The following ST6GALNAC3 variants were observed in gnomAD, a reference collection of about 807,000 sequenced individuals.
The protein encoded by ST6GALNAC3 is alpha-N-acetylgalactosaminide alpha-2,6-sialyltransferase 3.
In ST6GALNAC3, 25 loss-of-function variants were observed where a neutral mutation model predicts 32.7. The ratio of observed to expected loss-of-function variants is 0.76; its 90% CI spans 0.56 to 1.07. The LOEUF (loss-of-function observed/expected upper bound fraction) is 1.07. ST6GALNAC3 is among the 50% of genes least tolerant of loss of function. The probability of loss-of-function intolerance (pLI) is 0.00; values close to 1 mark genes in which losing one functional copy is unlikely to be tolerated. For synonymous variants in ST6GALNAC3, 129 were observed against 133.1 expected (o/e 0.97, Z 0.21); for missense variants, 355 against 382.4 (o/e 0.93, Z 0.60).
intron 2 of ST6GALNAC3, among the ~76,000 whole-genome samples, chr1:76,351,506 T>C (rs1287125601): frequency 2.0e-5 from 3 of 152,160 alleles, no homozygotes; most frequent in Non-Finnish European, 2.9e-5. Flanking sequence ...ATAACTTTTT[T>C]TTATAACTTC....
At chr1:76,256,279 G>A (rs913641528) in intron 1 of ST6GALNAC3, among the ~76,000 whole-genome samples, 5 of 152,038 alleles carry the variant, frequency 3.3e-5, no homozygotes, top group South Asian at 2.1e-4. Flanking sequence ...TGGAATAGTC[G>A]TTTCTAAATA....
Position 76,435,182 on chromosome 1 carries a change from C to T in ST6GALNAC3, c.623+22765C>T, listed in dbSNP as rs540920813. ...TCTTTATCTATAAAATTGACTTAAACGTCTATGTATTCAATATTCAAAAAG... is the reference window on the plus strand; with the variant it reads ...TCTTTATCTATAAAATTGACTTAAATGTCTATGTATTCAATATTCAAAAAG... On this transcript the variant is annotated intron_variant, in intron 3 of 4. Transcript: ENST00000328299. Among the ~76,000 whole-genome samples the T allele has an allele frequency of 5.9e-5, 9 of 152,024 alleles. 1 individual carries two copies. Among genetic ancestry groups the T allele is most frequent in the East Asian group, 5.9e-4 (3 of 5,120 alleles).
intron 2 of ST6GALNAC3, among the ~76,000 whole-genome samples, chr1:76,394,706 G>A (rs1399472292): frequency 6.6e-6 from 1 of 152,008 alleles, no homozygotes; most frequent in Non-Finnish European, 1.5e-5. Flanking sequence ...ATACTAAATG[G>A]TTATTTATTT....
At chr1:76,383,889 A>G (rs1651904854) in intron 2 of ST6GALNAC3, among the ~76,000 whole-genome samples, 1 of 152,194 alleles carries the variant, frequency 6.6e-6, no homozygotes, top group African/African-American at 2.4e-5. Context: ...GATTACTAAA[A>G]AGAATAACAA....
chr1:76,418,207 G>T (rs576972083), intron 3 of ST6GALNAC3, among the ~76,000 whole-genome samples: 1 of 152,122 alleles, frequency 6.6e-6, no homozygotes, highest in Non-Finnish European at 1.5e-5. Context: ...GTGTCATTGC[G>T]TGGTCAAGTG....
intron 1 of ST6GALNAC3, among the ~76,000 whole-genome samples, chr1:76,245,008 G>A (rs1034406336): frequency 6.6e-6 from 1 of 152,154 alleles, no homozygotes; most frequent in African/African-American, 2.4e-5. Flanking sequence ...AGAAGCAATG[G>A]TATCAGCTCC....
At chr1:76,269,693 T>C (rs1290620938) in intron 1 of ST6GALNAC3, among the ~76,000 whole-genome samples, 2 of 152,192 alleles carry the variant, frequency 1.3e-5, no homozygotes, top group East Asian at 3.9e-4. Context: ...TAAGGCCACA[T>C]GCCATGTGCT....
chr1:76,448,590 G>A (rs1488421410), intron 3 of ST6GALNAC3, among the ~76,000 whole-genome samples: 1 of 152,146 alleles, frequency 6.6e-6, no homozygotes, highest in Non-Finnish European at 1.5e-5. Flanking sequence ...GGAGGTAATT[G>A]AATCATGGGT....
At chr1:76,551,272 G>A (rs1664611985) in intron 3 of ST6GALNAC3, among the ~76,000 whole-genome samples, 1 of 152,158 alleles carries the variant, frequency 6.6e-6, no homozygotes, top group Admixed American at 6.5e-5. Flanking sequence ...TCATGACAAA[G>A]TTGATTGAAA....
intron 1 of ST6GALNAC3, among the ~76,000 whole-genome samples, chr1:76,080,632 CAA>C (rs58110770): frequency 1.2e-4 from 14 of 115,294 alleles, no homozygotes; most frequent in Admixed American, 1.7e-4. Flanking sequence ...ACAGATAAAC[CAA>C]AAAAAAAAAA....
rs775456919 is a variant in ST6GALNAC3, at chr1:76,074,816, C to G, written c.-51C>G. ...CCTCCAGCCTGCCCCCAGGACTGCC[C>G]CTGACCCAGGCGCGCCCGCTGCTCG... On this transcript the variant is annotated 5_prime_UTR_variant, in exon 1 of 5. Coordinates refer to ENST00000328299, the MANE Select transcript of ST6GALNAC3 (RefSeq NM_152996.4). 4 of 1,559,964 alleles carry G rather than the reference C, an allele frequency of 2.6e-6. No homozygotes were observed. Among genetic ancestry groups the G allele is most frequent in the South Asian group, 1.2e-5 (1 of 84,660 alleles).
At chr1:76,283,177 A>T (rs1414481) in intron 1 of ST6GALNAC3, among the ~76,000 whole-genome samples, 90,509 of 151,988 alleles carry the variant, frequency 0.6, 27,292 homozygotes, top group African/African-American at 0.67. Flanking sequence ...CTGAGCTAGG[A>T]ACTAGCTTTG....
chr1:76,158,386 T>G (rs1427073370), intron 1 of ST6GALNAC3, among the ~76,000 whole-genome samples: 1 of 152,210 alleles, frequency 6.6e-6, no homozygotes, highest in Non-Finnish European at 1.5e-5. Flanking sequence ...CCTAGCGATT[T>G]GAAACCCAGA....
At chr1:76,303,308 A>G (rs1254003944) in intron 1 of ST6GALNAC3, among the ~76,000 whole-genome samples, 1 of 151,938 alleles carries the variant, frequency 6.6e-6, no homozygotes, top group African/African-American at 2.4e-5. Context: ...TTCCATTTTC[A>G]ATCTGCCACC....
intron 3 of ST6GALNAC3, among the ~76,000 whole-genome samples, chr1:76,427,473 A>G (rs1169676974): frequency 2.0e-5 from 3 of 152,060 alleles, no homozygotes; most frequent in African/African-American, 7.2e-5. Context: ...CTGGAGAACC[A>G]GTGACCCAAT....
chr1:76,075,897 G>A (rs1240658683), intron 1 of ST6GALNAC3, among the ~76,000 whole-genome samples: 1 of 152,194 alleles, frequency 6.6e-6, no homozygotes, highest in Non-Finnish European at 1.5e-5. Context: ...TTATTGTGAA[G>A]TAGCATTTAT....
chr1:76,452,156 G>A (rs1289383619), intron 3 of ST6GALNAC3, among the ~76,000 whole-genome samples: 1 of 152,094 alleles, frequency 6.6e-6, no homozygotes, highest in Non-Finnish European at 1.5e-5. Flanking sequence ...TTGAATCATG[G>A]GGGCAGGTCT....
intron 3 of ST6GALNAC3, among the ~76,000 whole-genome samples, chr1:76,463,627 T>C (rs1658431023): frequency 6.6e-6 from 1 of 152,192 alleles, no homozygotes; most frequent in Non-Finnish European, 1.5e-5. Context: ...CCTGGGGTTA[T>C]AAAAAATGAA....
intron 2 of ST6GALNAC3, among the ~76,000 whole-genome samples, chr1:76,402,707 C>G (rs1184220066): frequency 3.3e-5 from 5 of 152,126 alleles, no homozygotes; most frequent in Non-Finnish European, 1.5e-5. Context: ...AGTCTGTTAA[C>G]TGTAACTCGA....
Sources: allele counts gnomAD v4.1 joint callset (sites outside exome capture counted in the v4.1 genomes callset), GRCh38; gene constraint gnomAD v4.1.1; transcripts MANE v1.5; gene names NCBI Gene and HGNC (gene_info 2026-07-23, HGNC 2026-07-21).